Variants in PPFIA2 observed in about 807,000 individuals in gnomAD.
PPFIA2 encodes PPFI scaffold protein A2, also known as liprin-alpha-2.
Under a neutral mutation model 175.5 loss-of-function variants are expected in PPFIA2, and 46 were observed. The observed-to-expected ratio is 0.26, with a 90% CI of 0.21 to 0.34. The LOEUF (loss-of-function observed/expected upper bound fraction) is 0.34, where lower values mean the gene tolerates loss of function less well. PPFIA2 is among the 10% of genes least tolerant of loss of function. The pLI is 1.00. For synonymous variants in PPFIA2, 568 were observed against 511.4 expected (o/e 1.11, Z -1.49); for missense variants, 1,179 against 1,506.1 (o/e 0.78, Z 3.60).
chr12:81,569,612 C>A (rs117220211), intron 4 of PPFIA2, among the ~76,000 whole-genome samples: 2 of 152,068 alleles, frequency 1.3e-5, no homozygotes, highest in East Asian at 3.9e-4. Flanking sequence ...AATATTGTGT[C>A]CTATATTTTA....
At chr12:81,360,124 G>A (rs1206644817) in intron 15 of PPFIA2, among the ~76,000 whole-genome samples, 3 of 151,796 alleles carry the variant, frequency 2.0e-5, no homozygotes, top group Non-Finnish European at 2.9e-5. Flanking sequence ...CTAGCTCCTA[G>A]TATTCTTTTT....
At chr12:81,550,569 G>T (rs945909886) in intron 4 of PPFIA2, among the ~76,000 whole-genome samples, 3 of 151,912 alleles carry the variant, frequency 2.0e-5, no homozygotes, top group Admixed American at 1.3e-4. Flanking sequence ...TGGGAGTTTG[G>T]TTTCAAGGAA....
At chr12:81,465,827 A>C (rs779224364) in intron 4 of PPFIA2, among the ~76,000 whole-genome samples, 2 of 152,212 alleles carry the variant, frequency 1.3e-5, no homozygotes, top group African/African-American at 4.8e-5. Context: ...GCTGGTAAAA[A>C]TTCAGAGGAG....
Position 81,422,937 on chromosome 12 carries a change from G to C in PPFIA2, c.646-17034C>G, listed in dbSNP as rs531839596. Among the ~76,000 whole-genome samples the C allele has an allele frequency of 2.0e-5, 3 of 152,178 alleles. No individual in the cohort carries two copies. The South Asian group carries it at 6.2e-4, about 32-fold the overall frequency. On this transcript the variant is annotated intron_variant, in intron 7 of 32. Coordinates refer to ENST00000549396, the MANE Select transcript of PPFIA2 (RefSeq NM_003625.5). ...ATTTAATAAAATCAGACATGAAAGA[G>C]GAGACATTACAACGAATGCCTAAAA...
intron 6 of PPFIA2, among the ~76,000 whole-genome samples, chr12:81,445,206 T>TGGGG (rs536566949): frequency 1.0e-3 from 21 of 20,640 alleles, no homozygotes; most frequent in Non-Finnish European, 1.6e-3. Flanking sequence ...AAGACCAAGG[T>TGGGG]GGGGGGGGGG....
intron 13 of PPFIA2, chr12:81,367,981 TCAAAACA>T: frequency 1.6e-6 from 1 of 615,366 alleles, no homozygotes; most frequent in South Asian, 1.7e-5. Context: ...TAACTTTTTG[TCAAAACA>T]TTTTCCCTAT....
chr12:81,358,519 G>A (rs1378653370), intron 15 of PPFIA2, among the ~76,000 whole-genome samples: 1 of 152,086 alleles, frequency 6.6e-6, no homozygotes, highest in Non-Finnish European at 1.5e-5. Flanking sequence ...TAATAAGACT[G>A]ATAATCAAAA....
At chr12:81,606,522 T>C (rs1434646965) in intron 4 of PPFIA2, among the ~76,000 whole-genome samples, 1 of 152,158 alleles carries the variant, frequency 6.6e-6, no homozygotes, top group African/African-American at 2.4e-5. Context: ...TTGCCTGGTG[T>C]GAGATAGTAT....
intron 29 of PPFIA2, 101 bp downstream of exon 29, chr12:81,267,811 T>C (rs1950199208): frequency 2.9e-6 from 3 of 1,038,926 alleles, no homozygotes; most frequent in Non-Finnish European, 4.1e-6. Context: ...TGAGTTAACT[T>C]TCATTAACAA....
chr12:81,492,050 T>C (rs2059475013), intron 4 of PPFIA2, among the ~76,000 whole-genome samples: 1 of 152,042 alleles, frequency 6.6e-6, no homozygotes, highest in African/African-American at 2.4e-5. Flanking sequence ...TCAATTTTTA[T>C]TCATAATTAC....
intron 4 of PPFIA2, among the ~76,000 whole-genome samples, chr12:81,600,718 C>A (rs1195972787): frequency 6.6e-6 from 1 of 151,960 alleles, no homozygotes; most frequent in Non-Finnish European, 1.5e-5. Flanking sequence ...TAGGATCTTA[C>A]TTCCTCTTAT....
intron 4 of PPFIA2, among the ~76,000 whole-genome samples, chr12:81,498,272 A>G (rs989803787): frequency 6.6e-6 from 1 of 152,242 alleles, no homozygotes; most frequent in Non-Finnish European, 1.5e-5. Flanking sequence ...GAAAAACTAC[A>G]GACTGTCTTC....
At chr12:81,701,186 G>C (rs2076434899) in intron 3 of PPFIA2, among the ~76,000 whole-genome samples, 1 of 152,098 alleles carries the variant, frequency 6.6e-6, no homozygotes, top group Admixed American at 6.6e-5. Context: ...ACAATACAAA[G>C]GATTGTTGGA....
intron 4 of PPFIA2, among the ~76,000 whole-genome samples, chr12:81,661,939 C>T (rs185183809): frequency 6.6e-6 from 1 of 152,250 alleles, no homozygotes; most frequent in Admixed American, 6.5e-5. Flanking sequence ...CAACCTGCTC[C>T]TGAATGACTA....
At chr12:81,317,221 G>T (rs545594988) in intron 22 of PPFIA2, among the ~76,000 whole-genome samples, 1 of 151,468 alleles carries the variant, frequency 6.6e-6, no homozygotes, top group Non-Finnish European at 1.5e-5. Context: ...TAGATATTAG[G>T]TATATCAAGA....
chr12:81,586,021 T>C (rs987413277), intron 4 of PPFIA2, among the ~76,000 whole-genome samples: 2 of 151,938 alleles, frequency 1.3e-5, no homozygotes, highest in African/African-American at 2.4e-5. Flanking sequence ...TTCAGTTGCA[T>C]TGTAATCTTA....
intron 4 of PPFIA2, among the ~76,000 whole-genome samples, chr12:81,505,467 T>A (rs1300087373): frequency 1.3e-5 from 2 of 152,166 alleles, no homozygotes; most frequent in Non-Finnish European, 2.9e-5. Context: ...TCCAAGTGTT[T>A]TCCCCAGGAT....
At chr12:81,513,783 C>A (rs2062076727) in intron 4 of PPFIA2, among the ~76,000 whole-genome samples, 1 of 151,896 alleles carries the variant, frequency 6.6e-6, no homozygotes. Flanking sequence ...AGGTGGGTAA[C>A]CTTTCTCTGA....
chr12:81,519,848 A>T (rs2062897442), intron 4 of PPFIA2, among the ~76,000 whole-genome samples: 1 of 152,206 alleles, frequency 6.6e-6, no homozygotes, highest in Non-Finnish European at 1.5e-5. Flanking sequence ...TAAATGTCTG[A>T]AAACAGGTAG....
Sources: gnomAD v4.1 joint callset for allele counts (sites outside exome capture counted in the v4.1 genomes callset) on GRCh38, gnomAD v4.1.1 for gene constraint, MANE v1.5 for transcripts, NCBI Gene and HGNC (gene_info 2026-07-23, HGNC 2026-07-21) for gene names.